The following STAU2 variants were observed in gnomAD, a reference collection of about 807,000 sequenced individuals.
STAU2 encodes the protein double-stranded RNA-binding protein Staufen homolog 2.
Under a neutral mutation model 65.9 loss-of-function variants are expected in STAU2, and 20 were observed. That is an observed-to-expected ratio of 0.30 (90% CI 0.21 to 0.44). The LOEUF (loss-of-function observed/expected upper bound fraction) is 0.44, where lower values mean the gene tolerates loss of function less well. STAU2 is among the 20% of genes least tolerant of loss of function. The probability of loss-of-function intolerance (pLI) is 1.00; values close to 1 mark genes in which losing one functional copy is unlikely to be tolerated. For missense variants in STAU2, 558 were observed against 683.9 expected (o/e 0.82, Z 2.05); for synonymous variants, 232 against 233.9 (o/e 0.99, Z 0.07).
At chr8:73,719,031 T>C (rs1821454994) in intron 3 of STAU2, among the ~76,000 whole-genome samples, 2 of 152,328 alleles carry the variant, frequency 1.3e-5, no homozygotes, top group Middle Eastern at 3.4e-3. Flanking sequence ...TCTTGCATGA[T>C]GGCATGGGCT....
chr8:73,542,939 A>G (rs148581760), intron 13 of STAU2, among the ~76,000 whole-genome samples: 1 of 152,336 alleles, frequency 6.6e-6, no homozygotes, highest in African/African-American at 2.4e-5. Context: ...TATTTTCCCA[A>G]GAGAACTGGA....
chr8:73,746,942 C>A, upstream of STAU2: 1 of 893,700 alleles, frequency 1.1e-6, no homozygotes, highest in Non-Finnish European at 1.3e-6. Flanking sequence ...CGCCCTCCCG[C>A]GCTCGCGCCG....
chr8:73,614,226 C>G (rs1296415023), intron 8 of STAU2, among the ~76,000 whole-genome samples: 1 of 152,158 alleles, frequency 6.6e-6, no homozygotes, highest in Non-Finnish European at 1.5e-5. Context: ...ATTACAGTTT[C>G]TCCATGTCTT....
chr8:73,471,836 A>AAG (rs1491459351), intron 13 of STAU2, among the ~76,000 whole-genome samples: 21 of 145,728 alleles, frequency 1.4e-4, no homozygotes, highest in Non-Finnish European at 2.5e-4. Flanking sequence ...AAAAAAAAAA[A>AAG]AGAGAGAAGA....
intron 13 of STAU2, among the ~76,000 whole-genome samples, chr8:73,503,334 A>G (rs17312354): frequency 0.041 from 6,176 of 152,212 alleles, 169 homozygotes; most frequent in Non-Finnish European, 0.06. Context: ...CCTCCAAATC[A>G]ATGAGGCTTA....
intron 3 of STAU2, among the ~76,000 whole-genome samples, chr8:73,710,534 A>G (rs1230125145): frequency 1.3e-5 from 2 of 152,042 alleles, no homozygotes; most frequent in Non-Finnish European, 2.9e-5. Flanking sequence ...AGAGAAATAA[A>G]TCTATCCCGC....
intron 6 of STAU2, among the ~76,000 whole-genome samples, chr8:73,658,943 CAA>C (rs71269931): frequency 0.2 from 27,983 of 141,848 alleles, 2,873 homozygotes; most frequent in East Asian, 0.36. Context: ...ACAAAAACAA[CAA>C]AAAAAAAAAA....
At chr8:73,728,244 T>G (rs558372519) in intron 3 of STAU2, among the ~76,000 whole-genome samples, 55 of 152,344 alleles carry the variant, frequency 3.6e-4, no homozygotes, top group African/African-American at 9.9e-4. Context: ...AAAAATCAAT[T>G]GCCTACATAT....
At chr8:73,620,424 G>C (rs982702857) in intron 6 of STAU2, among the ~76,000 whole-genome samples, 1 of 152,150 alleles carries the variant, frequency 6.6e-6, no homozygotes, top group Non-Finnish European at 1.5e-5. Context: ...ACTAAGGCCT[G>C]CTGACAATTA....
Position 73,421,267 on chromosome 8 carries a change from G to T in STAU2, c.*105C>A. 1.1e-6 allele frequency: 1 copy of T among 921,296 alleles called. No homozygotes were observed. The highest frequency in any genetic ancestry group is 1.7e-6 in the Non-Finnish European group (1 of 594,240). The allele number at this position is 921,296 out of a possible 1,614,324, so 57.1% of individuals were successfully genotyped here. A position where few individuals can be genotyped will look rare whatever the true frequency, so the allele number is the denominator to read the frequency against. On this transcript the variant is annotated 3_prime_UTR_variant, in exon 15 of 15. Coordinates refer to ENST00000524300, the MANE Select transcript of STAU2 (RefSeq NM_001164380.2). ...TTAGAATAGTGTTGTCTTCACATAAGACTCAAATAATGGTATTAGTCATTC... is the reference window on the plus strand; with the variant it reads ...TTAGAATAGTGTTGTCTTCACATAATACTCAAATAATGGTATTAGTCATTC...
chr8:73,729,878 G>A (rs535140838), intron 3 of STAU2, among the ~76,000 whole-genome samples: 2 of 152,224 alleles, frequency 1.3e-5, no homozygotes, highest in South Asian at 4.1e-4. Flanking sequence ...CAGTAGTAAT[G>A]TCCCCACACT....
At chr8:73,709,382 T>G (rs1820733791) in intron 3 of STAU2, among the ~76,000 whole-genome samples, 1 of 152,130 alleles carries the variant, frequency 6.6e-6, no homozygotes, top group South Asian at 2.1e-4. Flanking sequence ...AGTACCTAAG[T>G]TGTTCTATGT....
chr8:73,680,839 T>C (rs916988275), intron 5 of STAU2, among the ~76,000 whole-genome samples: 11 of 151,280 alleles, frequency 7.3e-5, no homozygotes, highest in African/African-American at 1.2e-4. Flanking sequence ...GTTTCAACAA[T>C]AGAATCAAAC....
intron 1 of STAU2, among the ~76,000 whole-genome samples, chr8:73,740,555 G>A (rs546496765): frequency 1.1e-4 from 16 of 152,108 alleles, no homozygotes; most frequent in African/African-American, 3.6e-4. Context: ...CAATAGGAAT[G>A]GAGTATCTCA....
At chr8:73,702,617 TA>T (rs1243099536) in intron 4 of STAU2, among the ~76,000 whole-genome samples, 5 of 152,096 alleles carry the variant, frequency 3.3e-5, no homozygotes. Context: ...TTATTATTGA[TA>T]AAAGGGTTAA....
intron 13 of STAU2, chr8:73,551,210 T>C (rs1807312574): frequency 4.1e-6 from 4 of 987,524 alleles, no homozygotes; most frequent in Non-Finnish European, 3.6e-6. Context: ...AAAGCTCCAA[T>C]GTATCCATAA....
At chr8:73,461,786 ACT>A (rs1819364740) in intron 13 of STAU2, among the ~76,000 whole-genome samples, 1 of 152,060 alleles carries the variant, frequency 6.6e-6, no homozygotes, top group Non-Finnish European at 1.5e-5. Context: ...GGGAACTCAA[ACT>A]CAGAGCCTGC....
intron 13 of STAU2, among the ~76,000 whole-genome samples, chr8:73,442,796 T>G (rs1265874941): frequency 1.3e-5 from 2 of 152,244 alleles, no homozygotes; most frequent in Non-Finnish European, 2.9e-5. Context: ...GCATGACAAC[T>G]GGCATTTCCT....
intron 9 of STAU2, among the ~76,000 whole-genome samples, chr8:73,606,008 T>TAAAAAG (rs56148752): frequency 0.86 from 127,484 of 147,764 alleles, 55,321 homozygotes; most frequent in East Asian, 0.96. Flanking sequence ...TATTCATATG[T>TAAAAAG]AAAAAGAAAA....
Sources: gnomAD v4.1 joint callset for allele counts (sites outside exome capture counted in the v4.1 genomes callset) on GRCh38, gnomAD v4.1.1 for gene constraint, MANE v1.5 for transcripts, NCBI Gene and HGNC (gene_info 2026-07-23, HGNC 2026-07-21) for gene names.